The following MYO3B variants were observed in gnomAD, a reference collection of about 807,000 sequenced individuals.
MYO3B encodes myosin IIIB.
In MYO3B, 156 loss-of-function variants were observed where a neutral mutation model predicts 174.6. That is an observed-to-expected ratio of 0.89 (90% CI 0.78 to 1.02). MYO3B has a LOEUF of 1.02. MYO3B is among the 50% of genes least tolerant of loss of function. The probability of loss-of-function intolerance (pLI) is 0.00; values close to 1 mark genes in which losing one functional copy is unlikely to be tolerated. For missense variants in MYO3B, 1,632 were observed against 1,639.4 expected (o/e 1.00, Z 0.08); for synonymous variants, 563 against 569.1 (o/e 0.99, Z 0.15).
chr2:170,301,514 A>G (rs1441972935), intron 7 of MYO3B, among the ~76,000 whole-genome samples: 1 of 152,174 alleles, frequency 6.6e-6, no homozygotes, highest in Non-Finnish European at 1.5e-5. Context: ...ATTTCTCTCC[A>G]TTCACACTCT....
chr2:170,425,288 A>G (rs1479323066), intron 22 of MYO3B, among the ~76,000 whole-genome samples: 2 of 152,214 alleles, frequency 1.3e-5, no homozygotes, highest in African/African-American at 4.8e-5. Context: ...ATATGTTAGA[A>G]GCATATAAAG....
chr2:170,419,817 C>T (rs543791244), intron 22 of MYO3B, among the ~76,000 whole-genome samples: 2 of 152,156 alleles, frequency 1.3e-5, no homozygotes, highest in Non-Finnish European at 2.9e-5. Flanking sequence ...CCGTGAAAGC[C>T]ATACATCCAG....
At chr2:170,424,356 C>T (rs931720293) in intron 22 of MYO3B, among the ~76,000 whole-genome samples, 10 of 152,182 alleles carry the variant, frequency 6.6e-5, no homozygotes, top group African/African-American at 1.2e-4. Context: ...CGGTGGCTCA[C>T]GCCTATAATC....
chr2:170,386,410 T>G (rs894345220), intron 13 of MYO3B, 138 bp downstream of exon 13: 11 of 626,200 alleles, frequency 1.8e-5, no homozygotes, highest in African/African-American at 5.6e-5. Context: ...GTTTGCCTCC[T>G]GATAGCGAGG....
At chr2:170,652,928 A>C in intron 34 of MYO3B, 55 bp from the exon 35 acceptor site, 1 of 1,605,138 alleles carries the variant, frequency 6.2e-7, no homozygotes, top group Admixed American at 1.7e-5. Flanking sequence ...CCCAGTGATG[A>C]TTGTAACATT....
chr2:170,247,289 T>C (rs1234001903), intron 7 of MYO3B, among the ~76,000 whole-genome samples: 1 of 151,350 alleles, frequency 6.6e-6, no homozygotes, highest in Non-Finnish European at 1.5e-5. Context: ...ACAGGTCCTC[T>C]GAAGTTAGGA....
At chr2:170,449,055 C>T (rs571551825) in intron 23 of MYO3B, among the ~76,000 whole-genome samples, 4 of 152,304 alleles carry the variant, frequency 2.6e-5, no homozygotes, top group African/African-American at 9.6e-5. Context: ...TGCCTGCAAA[C>T]ACCTTTATGA....
rs1442353406 is a variant in MYO3B at position 170,253,659 on chromosome 2, A to G, written c.749+17523A>G. On this transcript the variant is annotated intron_variant, in intron 7 of 34. Transcript: ENST00000408978. ...TCCTGAGGGCTACTCCCACATTTAT[A>G]GATAAGAAAGATGAAGAAAAACCAG... 2.0e-5 allele frequency among the ~76,000 whole-genome samples: 3 copies of G among 152,156 alleles called. No homozygotes were observed. In the South Asian group the frequency reaches 6.2e-4, roughly 32 times the overall value.
At chr2:170,321,301 A>C (rs1203773555) in intron 7 of MYO3B, among the ~76,000 whole-genome samples, 1 of 152,246 alleles carries the variant, frequency 6.6e-6, no homozygotes, top group East Asian at 1.9e-4. Flanking sequence ...ATTTAATAAA[A>C]TAGAAGTAGA....
intron 32 of MYO3B, among the ~76,000 whole-genome samples, chr2:170,584,239 A>G (rs1334397096): frequency 1.3e-5 from 2 of 152,232 alleles, no homozygotes; most frequent in African/African-American, 4.8e-5. Context: ...ACAAACTTGG[A>G]AAAAGTTATG....
intron 7 of MYO3B, among the ~76,000 whole-genome samples, chr2:170,309,064 T>A (rs1167859462): frequency 6.6e-6 from 1 of 152,226 alleles, no homozygotes; most frequent in East Asian, 1.9e-4. Context: ...TATAGAGCAC[T>A]GGATGATCTC....
intron 7 of MYO3B, among the ~76,000 whole-genome samples, chr2:170,291,600 G>A (rs1027629778): frequency 1.3e-5 from 2 of 151,966 alleles, no homozygotes; most frequent in Admixed American, 6.6e-5. Flanking sequence ...ATAATTTCTT[G>A]TAAAATATGT....
At position 170,402,852 on chromosome 2, in the gene MYO3B, G is replaced by A. The variant is rs915009975; in HGVS notation, c.2134G>A (p.Ala712Thr). Reference protein sequence around the residue: ...LLQPDENICSAGGGMNVGILD... With the variant: ...LLQPDENICSTGGGMNVGILD... The stretch of plus-strand genomic sequence containing the variant: ...TTGTTCTTCTCTCTCATGCAGTAGT[G>A]CAGGAGGTGGAATGAATGTGGGGAT... The change falls in exon 19 of 35, where the codon GCA becomes ACA. Residue 712 changes from alanine to threonine, a missense_variant. Ala to Thr is a moderately conservative substitution (Grantham distance 58). Coordinates refer to ENST00000408978, the MANE Select transcript of MYO3B (RefSeq NM_138995.5). 1.9e-6 allele frequency: 3 copies of A among 1,608,890 alleles called. No individual in the cohort carries two copies. The highest frequency in any genetic ancestry group is 2.7e-5 in the African/African-American group (2 of 74,894).
intron 30 of MYO3B, among the ~76,000 whole-genome samples, chr2:170,534,502 G>A (rs1314951301): frequency 6.6e-6 from 1 of 152,160 alleles, no homozygotes; most frequent in Admixed American, 6.5e-5. Context: ...CTGGAGTGCA[G>A]TGGAATGATC....
At chr2:170,232,388 C>T (rs369028889) in intron 6 of MYO3B, among the ~76,000 whole-genome samples, 82 of 152,302 alleles carry the variant, frequency 5.4e-4, no homozygotes, top group African/African-American at 1.7e-3. Context: ...GTATGTGTAA[C>T]CTGCAGAAAG....
intron 11 of MYO3B, 123 bp from the exon 12 acceptor site, chr2:170,383,587 C>CCCTA (rs1181554271): frequency 1.4e-6 from 1 of 723,938 alleles, no homozygotes; most frequent in African/African-American, 1.7e-5. Flanking sequence ...AGAACCTATA[C>CCCTA]CCTACAGTCT....
intron 16 of MYO3B, among the ~76,000 whole-genome samples, chr2:170,399,623 C>G (rs939597165): frequency 1.3e-5 from 2 of 151,868 alleles, no homozygotes; most frequent in African/African-American, 4.8e-5. Context: ...TTAAAATGTT[C>G]TAGGAGCCAT....
intron 14 of MYO3B, among the ~76,000 whole-genome samples, chr2:170,390,269 C>T (rs1231262146): frequency 1.3e-5 from 2 of 151,982 alleles, no homozygotes; most frequent in African/African-American, 4.8e-5. Context: ...TCTCTACAAA[C>T]ACAAAAACCT....
intron 7 of MYO3B, among the ~76,000 whole-genome samples, chr2:170,283,850 G>T (rs1218238071): frequency 6.6e-6 from 1 of 152,168 alleles, no homozygotes; most frequent in Non-Finnish European, 1.5e-5. Flanking sequence ...GATACATTTG[G>T]ATAAGTTGCA....
Sources: allele counts gnomAD v4.1 joint callset (sites outside exome capture counted in the v4.1 genomes callset), GRCh38; gene constraint gnomAD v4.1.1; transcripts MANE v1.5; gene names NCBI Gene and HGNC (gene_info 2026-07-23, HGNC 2026-07-21).